COL18A1: variants seen among roughly 807,000 people sequenced by gnomAD.
COL18A1 encodes the protein collagen type XVIII alpha 1 chain, also known as collagen alpha-1(XVIII) chain.
A neutral mutation model predicts 168.0 loss-of-function variants in COL18A1; 133 were observed. The ratio of observed to expected loss-of-function variants is 0.79; its 90% CI spans 0.69 to 0.91. The LOEUF (loss-of-function observed/expected upper bound fraction) is 0.91, where lower values mean the gene tolerates loss of function less well. Among genes scored for constraint, COL18A1 ranks in the 40% least tolerant of loss-of-function variants. The pLI is 0.00. For synonymous variants in COL18A1, 949 were observed against 809.0 expected (o/e 1.17, Z -2.94); for missense variants, 2,126 against 1,925.4 (o/e 1.10, Z -1.95).
intron 34 of COL18A1, 137 bp downstream of exon 34, chr21:45,504,693 T>C (rs2037082647): frequency 4.0e-6 from 3 of 751,108 alleles, no homozygotes; most frequent in Non-Finnish European, 4.4e-6. Context: ...GACATGTCCC[T>C]GTCCCCGTGT....
intron 2 of COL18A1, among the ~76,000 whole-genome samples, chr21:45,451,032 G>C (rs979644632): frequency 2.0e-5 from 3 of 152,232 alleles, no homozygotes; most frequent in Non-Finnish European, 4.4e-5. Flanking sequence ...GACAGGGCCC[G>C]ACTCTGCAGG....
rs780717066 is a variant in COL18A1 at position 45,468,667 on chromosome 21, G to A, written c.532G>A (p.Val178Met). The A allele has an allele frequency of 1.1e-4, 185 of 1,613,756 alleles. No individual in the cohort carries two copies. Among genetic ancestry groups the A allele is most frequent in the Non-Finnish European group, 1.4e-4 (167 of 1,180,014 alleles). ...GGCAGGTGGCTTTGTGGCCCTCTACGTGGACTGTGAGGAGTTCCAGAGAAT... is the reference window on the plus strand; with the variant it reads ...GGCAGGTGGCTTTGTGGCCCTCTACATGGACTGTGAGGAGTTCCAGAGAAT... Reference protein sequence around the residue: ...SVAGGFVALYVDCEEFQRMPL... With the variant: ...SVAGGFVALYMDCEEFQRMPL... The change falls in exon 3 of 42, where the codon GTG (valine) becomes ATG (methionine). Residue 178 changes from valine to methionine, a missense_variant. Physicochemically the swap from Val to Met is conservative, Grantham distance 21. Coordinates refer to ENST00000651438, the MANE Select transcript of COL18A1 (RefSeq NM_001379500.1).
At chr21:45,503,458 A>G (rs1486445857) in intron 32 of COL18A1, among the ~76,000 whole-genome samples, 1 of 152,128 alleles carries the variant, frequency 6.6e-6, no homozygotes, top group African/African-American at 2.4e-5. Flanking sequence ...ACGCAGCCAT[A>G]AAAAATGATG....
intron 4 of COL18A1, among the ~76,000 whole-genome samples, chr21:45,474,566 CTG>C (rs762088401): frequency 3.3e-5 from 5 of 151,528 alleles, no homozygotes; most frequent in Non-Finnish European, 7.4e-5. Context: ...GTGTCTGTGT[CTG>C]TGTGTTGTGT....
chr21:45,433,180 C>A (rs2034009613), intron 2 of COL18A1, among the ~76,000 whole-genome samples: 1 of 152,150 alleles, frequency 6.6e-6, no homozygotes, highest in Admixed American at 6.5e-5. Context: ...TATAGAAGGA[C>A]AAGGAGAGAG....
rs753322378 is a variant in COL18A1 at position 45,480,092 on chromosome 21, GAGGGCCCCCAGGACCCCA to G, written c.1341_1358del (p.Gln451_Pro456del). The G allele has an allele frequency of 1.2e-5, 20 of 1,609,900 alleles. No individual in the cohort carries two copies. The East Asian group carries it at 2.7e-4, about 22-fold the overall frequency. ...CAGGGAGACCCTGGGGTTGGAGAGA[GAGGGCCCCCAGGACCCCA>G]AGGGCCTCCAGGGCCCCCAGGACCC... On this transcript the variant is annotated inframe_deletion, in exon 11 of 42. Transcript: ENST00000651438.
chr21:45,473,939 C>A lies in COL18A1; in HGVS notation c.696C>A (p.Ser232Arg). ...ELKVRRDPQV[S>R]PMHCLDEEGD... The stretch of plus-strand genomic sequence containing the variant: ...AGGTGCGCAGGGACCCCCAGGTGAG[C>A]CCCATGCACTGCCTGGACGAGGAAG... Residue 232 changes from serine to arginine, a missense_variant, in exon 4 of 42, where the codon AGC (serine) becomes AGA (arginine). By Grantham distance (110) the Ser-to-Arg change is moderately radical (BLOSUM62 -1). Coordinates refer to ENST00000651438, the MANE Select transcript of COL18A1 (RefSeq NM_001379500.1). The surrounding 1 kb of genome is among the most constrained non-coding windows in gnomAD (Gnocchi z 4.0). 1 of 1,605,968 alleles carries A rather than the reference C, an allele frequency of 6.2e-7. No homozygotes were observed.
At chr21:45,506,257 A>C (rs990586626) in intron 37 of COL18A1, 1 of 439,054 alleles carries the variant, frequency 2.3e-6, no homozygotes, top group African/African-American at 2.0e-5. Context: ...GTCACCTCAC[A>C]CACCCGATAA....
chr21:45,481,056 A>G (rs1389633973), intron 13 of COL18A1, among the ~76,000 whole-genome samples, 198 bp downstream of exon 13: 2 of 152,150 alleles, frequency 1.3e-5, no homozygotes, highest in East Asian at 1.9e-4. Flanking sequence ...TGGCCACCCC[A>G]TGGTTCTAGG....
At position 45,511,223 on chromosome 21, in the gene COL18A1, C is replaced by T. The variant is rs1181689604; in HGVS notation, c.3806C>T (p.Thr1269Ile). Residue 1269 changes from threonine (T) to isoleucine (I), a missense_variant, in exon 41 of 42, where the codon ACC becomes ATC. Coordinates refer to ENST00000651438, the MANE Select transcript of COL18A1 (RefSeq NM_001379500.1). Reference sequence around the variant, plus strand: ...GGCAAGGACGTCCTGAGGCACCCCACCTGGTAGGTTCCCAGTGCCGTGTGA... The same window carrying T: ...GGCAAGGACGTCCTGAGGCACCCCATCTGGTAGGTTCCCAGTGCCGTGTGA... ...FDGKDVLRHP[T>I]WPQKSVWHGS... The T allele has an allele frequency of 9.0e-6, 14 of 1,556,530 alleles. No individual in the cohort carries two copies. In the South Asian group the frequency reaches 1.3e-4, roughly 14 times the overall value.
chr21:45,491,376 C>T (rs1288529686), intron 22 of COL18A1, 62 bp downstream of exon 22: 2 of 813,514 alleles, frequency 2.5e-6, no homozygotes, highest in Non-Finnish European at 4.0e-6. Context: ...TGCAGAGATC[C>T]CTCCCCGAGC....
chr21:45,469,472 C>T (rs930838234), intron 3 of COL18A1, among the ~76,000 whole-genome samples: 1 of 152,236 alleles, frequency 6.6e-6, no homozygotes, highest in Non-Finnish European at 1.5e-5. Context: ...CACTTTGGAG[C>T]ACGTGGTGGG....
intron 26 of COL18A1, chr21:45,494,236 T>A (rs2282119): frequency 0.093 from 43,643 of 470,488 alleles, 3,797 homozygotes; most frequent in African/African-American, 0.29. Context: ...GGACACTGCG[T>A]GGCACATGCC....
At chr21:45,430,217 G>T (rs185595207) in intron 2 of COL18A1, among the ~76,000 whole-genome samples, 2 of 151,082 alleles carry the variant, frequency 1.3e-5, no homozygotes, top group South Asian at 2.1e-4. Flanking sequence ...GCACCCTCTC[G>T]CCCTCTCCTG....
chr21:45,450,569 T>G (rs1223803524), intron 2 of COL18A1, among the ~76,000 whole-genome samples: 1 of 151,898 alleles, frequency 6.6e-6, no homozygotes, highest in African/African-American at 2.4e-5. Context: ...AAAAAGAAAA[T>G]AAAAGACCAC....
intron 24 of COL18A1, 41 bp downstream of exon 24, chr21:45,492,754 G>T (rs761476692): frequency 6.6e-7 from 1 of 1,520,886 alleles, no homozygotes; most frequent in Non-Finnish European, 9.0e-7. Context: ...GCCCGGCTGG[G>T]GAGGGGTCTC....
intron 2 of COL18A1, among the ~76,000 whole-genome samples, chr21:45,448,419 A>G (rs552915764): frequency 6.6e-5 from 10 of 152,330 alleles, no homozygotes; most frequent in African/African-American, 1.9e-4. Flanking sequence ...GTACATACCC[A>G]TGCACACATT....
intron 33 of COL18A1, 34 bp from the exon 34 acceptor site, chr21:45,504,382 A>G (rs369979972): frequency 7.8e-5 from 125 of 1,602,286 alleles, no homozygotes; most frequent in Non-Finnish European, 1.0e-4. Flanking sequence ...GTAGGGGTTC[A>G]GGGCTCCCGT....
rs375390952 is a variant in COL18A1, at chr21:45,512,278, G to A, written c.3900G>A (p.Ser1300=). 3.2e-5 allele frequency: 51 copies of A among 1,611,666 alleles called. No homozygotes were observed. The highest frequency in any genetic ancestry group is 1.0e-4 in the Admixed American group (6 of 59,902). ...YCETWRTEAP[S]ATGQASSLLG... is the part of the protein sequence containing the mutation. ...AGACGTGGCGGACGGAGGCTCCCTC[G>A]GCCACGGGCCAGGCCTCCTCGCTGC... The change falls in exon 42 of 42, where the codon TCG becomes TCA. Residue 1300 remains serine (S), a synonymous_variant. Transcript: ENST00000651438.
Sources: gnomAD v4.1 joint callset for allele counts (sites outside exome capture counted in the v4.1 genomes callset) on GRCh38, gnomAD v4.1.1 for gene constraint, Gnocchi (gnomAD v3.1) non-coding constraint, MANE v1.5 for transcripts, NCBI Gene and HGNC (gene_info 2026-07-23, HGNC 2026-07-21) for gene names.